The following BAZ1B variants were observed in gnomAD, a reference collection of about 807,000 sequenced individuals.
BAZ1B encodes bromodomain adjacent to zinc finger domain 1B.
BAZ1B carries 22 observed loss-of-function variants against 153.8 expected under a neutral mutation model. The ratio of observed to expected loss-of-function variants is 0.14; its 90% CI spans 0.10 to 0.20. BAZ1B has a LOEUF of 0.20. BAZ1B is among the 10% of genes least tolerant of loss of function. BAZ1B has a pLI of 1.00. For synonymous variants in BAZ1B, 676 were observed against 633.4 expected, an observed-to-expected ratio of 1.07 and a Z score of -1.01; for missense variants, 1,325 against 1,799.3, an observed-to-expected ratio of 0.74 and a Z score of 4.77.
chr7:73,457,642 T>C (rs1312074707), intron 13 of BAZ1B, among the ~76,000 whole-genome samples: 23 of 152,202 alleles, frequency 1.5e-4, no homozygotes, highest in Admixed American at 1.4e-3. Context: ...GAGTGTCTTT[T>C]GTTATTCAGA....
At chr7:73,502,357 C>CT (rs146842229) in intron 3 of BAZ1B, among the ~76,000 whole-genome samples, 140 of 149,400 alleles carry the variant, frequency 9.4e-4, no homozygotes, top group African/African-American at 1.4e-3. Flanking sequence ...ATCATATCTA[C>CT]TTTTTTTTTT....
chr7:73,487,451 T>A (rs879997132), intron 6 of BAZ1B, among the ~76,000 whole-genome samples: 1 of 152,158 alleles, frequency 6.6e-6, no homozygotes, highest in Non-Finnish European at 1.5e-5. Flanking sequence ...TAAGTGTGGA[T>A]CAGCTTTTAT....
At position 73,449,558 on chromosome 7, in the gene BAZ1B, G is replaced by T. The variant is rs375694776; in HGVS notation, c.3712C>A (p.Arg1238Ser). ...CPACQPATAR[R>S]NSRGRNYTEE... ...GATTCTCACCTGCCACGGGAGTTGC[G>T]CCTGGCAGTAGCGGGCTGGCAAGCT... Residue 1238 changes from arginine (R) to serine (S), a missense_variant, in exon 15 of 20, where the codon CGC (arginine) becomes AGC (serine). Arg to Ser is a moderately radical substitution (Grantham distance 110, BLOSUM62 -1). Coordinates refer to ENST00000339594, the MANE Select transcript of BAZ1B (RefSeq NM_032408.4). 6.2e-7 allele frequency: 1 copy of T among 1,612,012 alleles called. No homozygotes were observed. Among genetic ancestry groups the T allele is most frequent in the African/African-American group, 1.3e-5 (1 of 74,778 alleles).
chr7:73,514,834 C>G (rs1482979975), intron 1 of BAZ1B, among the ~76,000 whole-genome samples: 1 of 151,990 alleles, frequency 6.6e-6, no homozygotes, highest in South Asian at 2.1e-4. Context: ...GTAATCCCAG[C>G]ACTTTGGGAG....
At chr7:73,485,627 A>AGG (rs1789376353) in intron 6 of BAZ1B, among the ~76,000 whole-genome samples, 4 of 128,094 alleles carry the variant, frequency 3.1e-5, no homozygotes, top group East Asian at 2.0e-4. Flanking sequence ...CTACCTCAGA[A>AGG]AAAAAAAAAA....
intron 1 of BAZ1B, among the ~76,000 whole-genome samples, chr7:73,518,952 TAC>T (rs552730121): frequency 5.2e-4 from 79 of 152,314 alleles, no homozygotes; most frequent in African/African-American, 1.8e-3. Flanking sequence ...TTGACTTAAA[TAC>T]AGTCAGTGTC....
At chr7:73,470,632 T>C in intron 7 of BAZ1B, 149 bp from the exon 8 acceptor site, 1 of 981,252 alleles carries the variant, frequency 1.0e-6, no homozygotes, top group African/African-American at 1.6e-5. Context: ...TTACAAGAAA[T>C]TACATGTAAG....
At chr7:73,452,517 T>C (rs574278351) in intron 13 of BAZ1B, among the ~76,000 whole-genome samples, 168 of 151,228 alleles carry the variant, frequency 1.1e-3, no homozygotes, top group Non-Finnish European at 1.8e-3. Context: ...AAGTCAGGAG[T>C]TCGAGACCAG....
intron 13 of BAZ1B, among the ~76,000 whole-genome samples, chr7:73,457,040 TAC>T (rs1230846379): frequency 6.8e-6 from 1 of 146,796 alleles, no homozygotes; most frequent in Non-Finnish European, 1.5e-5. Context: ...TGTAAAATTG[TAC>T]AGTCACTATA....
Position 73,497,535 on chromosome 7 carries a change from T to C in BAZ1B, c.571+962A>G, listed in dbSNP as rs146217551. Among the ~76,000 whole-genome samples, 54 of 152,322 alleles carry C rather than the reference T, an allele frequency of 3.5e-4. 1 individual carries two copies. The East Asian group carries it at 8.7e-3, about 24-fold the overall frequency. Reference sequence around the variant, plus strand: ...TGGTAGCAAATGATAGACTAGTATCTACATGTATTTTATGCATTTATGACA... The same window carrying C: ...TGGTAGCAAATGATAGACTAGTATCCACATGTATTTTATGCATTTATGACA... On this transcript the variant is annotated intron_variant, in intron 4 of 19. Transcript: ENST00000339594.
chr7:73,444,929 G>T (rs1360889926), intron 16 of BAZ1B, among the ~76,000 whole-genome samples: 1 of 151,984 alleles, frequency 6.6e-6, no homozygotes, highest in Non-Finnish European at 1.5e-5. Flanking sequence ...CAGGAAAATC[G>T]CTTGAACCTG....
chr7:73,497,449 A>T (rs2116407431), intron 4 of BAZ1B, among the ~76,000 whole-genome samples: 1 of 152,316 alleles, frequency 6.6e-6, no homozygotes, highest in Non-Finnish European at 1.5e-5. Context: ...GGTGCCAGGT[A>T]TGGTCTGTGT....
At chr7:73,513,850 G>A (rs1194589196) in intron 1 of BAZ1B, among the ~76,000 whole-genome samples, 2 of 151,408 alleles carry the variant, frequency 1.3e-5, no homozygotes, top group Non-Finnish European at 2.9e-5. Flanking sequence ...TGAACATAGC[G>A]ACTTTACAAA....
chr7:73,493,070 AGCTAAAGT>A, intron 4 of BAZ1B, 149 bp from the exon 5 acceptor site: 1 of 778,656 alleles, frequency 1.3e-6, no homozygotes, highest in Non-Finnish European at 1.9e-6. Context: ...AACTTCAAGG[AGCTAAAGT>A]CTATGAGGAG....
At chr7:73,478,817 T>C (rs782757254) in intron 6 of BAZ1B, among the ~76,000 whole-genome samples, 4 of 152,160 alleles carry the variant, frequency 2.6e-5, no homozygotes, top group Non-Finnish European at 5.9e-5. Flanking sequence ...ACTAGTTCTG[T>C]TTATGTATAT....
At chr7:73,464,067 C>T (rs1414279801) in intron 11 of BAZ1B, 5 of 894,664 alleles carry the variant, frequency 5.6e-6, no homozygotes, top group Middle Eastern at 5.7e-4. Context: ...ATTCTGAATA[C>T]AGTTTTACTT....
At chr7:73,521,233 G>A (rs939253713) in intron 1 of BAZ1B, among the ~76,000 whole-genome samples, 2 of 151,970 alleles carry the variant, frequency 1.3e-5, no homozygotes, top group Non-Finnish European at 2.9e-5. Flanking sequence ...TCCTCTAAGC[G>A]GGGAATCTCA....
chr7:73,479,696 T>G (rs1433811987), intron 6 of BAZ1B, among the ~76,000 whole-genome samples: 1 of 152,054 alleles, frequency 6.6e-6, no homozygotes, highest in Non-Finnish European at 1.5e-5. Flanking sequence ...ATGTCTTGCT[T>G]TACCCAGATT....
intron 4 of BAZ1B, among the ~76,000 whole-genome samples, chr7:73,496,538 A>G (rs1358942756): frequency 6.6e-6 from 1 of 152,236 alleles, no homozygotes; most frequent in Admixed American, 6.5e-5. Context: ...GGAGACCAAT[A>G]CACACCAAAC....
Sources: allele counts gnomAD v4.1 joint callset (sites outside exome capture counted in the v4.1 genomes callset), GRCh38; gene constraint gnomAD v4.1.1; transcripts MANE v1.5; gene names NCBI Gene and HGNC (gene_info 2026-07-23, HGNC 2026-07-21).